NCR1: variants seen among roughly 807,000 people sequenced by gnomAD.
NCR1 encodes natural cytotoxicity triggering receptor 1.
NCR1 carries 30 observed loss-of-function variants against 32.5 expected under a neutral mutation model. That is an observed-to-expected ratio of 0.92 (90% confidence interval 0.69 to 1.25). The LOEUF (loss-of-function observed/expected upper bound fraction) is 1.25, where lower values mean the gene tolerates loss of function less well. NCR1 is among the 50% of genes most tolerant of loss of function. The pLI, the probability that NCR1 is intolerant of heterozygous loss-of-function variation, is 0.00. For missense variants in NCR1, 369 were observed against 380.7 expected (o/e 0.97, Z 0.26); for synonymous variants, 169 against 143.4 (o/e 1.18, Z -1.28).
At chr19:54,910,190 A>C (rs1157460893) in intron 5 of NCR1, 125 bp downstream of exon 5, 53 of 907,294 alleles carry the variant, frequency 5.8e-5, no homozygotes, top group Non-Finnish European at 8.9e-5. Context: ...TAATCCCAGC[A>C]CTTTGGGAGG....
At chr19:54,898,551 T>C in the NCR1 span, among the ~76,000 whole-genome samples, 1 of 152,162 alleles carries the variant, frequency 6.6e-6, no homozygotes, top group Non-Finnish European at 1.5e-5. Flanking sequence ...AATTAAGTCT[T>C]GTTGTGGGGT....
upstream of NCR1, chr19:54,906,106 C>G (rs988161448): frequency 7.0e-6 from 11 of 1,569,068 alleles, no homozygotes; most frequent in African/African-American, 1.5e-4. Flanking sequence ...TGGTGCTCAC[C>G]CACCACTTCC....
chr19:54,902,331 ACT>A (rs2067314946), upstream of NCR1, among the ~76,000 whole-genome samples: 1 of 151,532 alleles, frequency 6.6e-6, no homozygotes. Flanking sequence ...ACAGGGTAAC[ACT>A]CTGTCACCCA....
chr19:54,936,399 C>T, the NCR1 span: 23 of 1,613,956 alleles, frequency 1.4e-5, no homozygotes, highest in Admixed American at 3.3e-5. Context: ...ACAGAAGTCC[C>T]GGTACGCGGT....
the NCR1 span, among the ~76,000 whole-genome samples, chr19:54,935,035 G>A: frequency 3.3e-5 from 5 of 152,072 alleles, no homozygotes; most frequent in Non-Finnish European, 7.4e-5. Context: ...AAGACATTAT[G>A]TCTTTGGTTT....
intron 5 of NCR1, among the ~76,000 whole-genome samples, chr19:54,911,489 T>C (rs12461420): frequency 0.76 from 115,405 of 152,078 alleles, 44,887 homozygotes; most frequent in Non-Finnish European, 0.86. Context: ...GGGTGGCTCC[T>C]GCATGTAATC....
intron 5 of NCR1, among the ~76,000 whole-genome samples, chr19:54,910,866 G>A (rs587650127): frequency 1.2e-4 from 19 of 152,318 alleles, no homozygotes; most frequent in Middle Eastern, 3.4e-3. Flanking sequence ...GAGCAAATGC[G>A]TTCAGACTTG....
the NCR1 span, chr19:54,930,485 A>G: frequency 6.3e-7 from 1 of 1,580,696 alleles, no homozygotes; most frequent in Non-Finnish European, 8.7e-7. Context: ...AAGAAGAAAA[A>G]GAAAATCGCC....
chr19:54,912,828 C>T lies in NCR1; in HGVS notation c.872C>T (p.Ser291Phe). 1 of 1,613,452 alleles carries T rather than the reference C, an allele frequency of 6.2e-7. No homozygotes were observed. ...KRTRERASRA[S>F]TWEGRRRLNT... ...ACTAGAGAGCGAGCCAGCAGAGCTT[C>T]CACTTGGGAAGGCAGGAGAAGGCTG... is the stretch of plus-strand genomic sequence containing the variant. Residue 291 changes from serine (S) to phenylalanine (F), a missense_variant, in exon 7 of 7, where the codon TCC becomes TTC. By Grantham distance (155) the Ser-to-Phe change is radical. Coordinates refer to ENST00000291890, the MANE Select transcript of NCR1 (RefSeq NM_004829.7).
chr19:54,922,019 C>T, the NCR1 span, among the ~76,000 whole-genome samples: 1 of 151,958 alleles, frequency 6.6e-6, no homozygotes. Flanking sequence ...GCCTCAGCCT[C>T]CCGAGTAGCT....
chr19:54,934,430 C>T, the NCR1 span: 1 of 1,572,358 alleles, frequency 6.4e-7, no homozygotes, highest in Non-Finnish European at 8.8e-7. This position sits in a 1 kb window ranked among gnomAD's most constrained non-coding sequence, Gnocchi z 6.7. Flanking sequence ...AGGTGTTACC[C>T]TTTCTCTTCT....
chr19:54,910,304 G>A (rs1335341722), intron 5 of NCR1, among the ~76,000 whole-genome samples: 1 of 152,062 alleles, frequency 6.6e-6, no homozygotes, highest in Admixed American at 6.6e-5. Flanking sequence ...GGGCATCATG[G>A]CTCACACCTG....
the NCR1 span, among the ~76,000 whole-genome samples, chr19:54,924,906 C>T: frequency 9.2e-3 from 1,402 of 152,270 alleles, 44 homozygotes; most frequent in Admixed American, 0.028. Context: ...CACTGTACTG[C>T]AGCCCGGGTG....
downstream of NCR1, among the ~76,000 whole-genome samples, chr19:54,920,125 T>G (rs2068219307): frequency 1.3e-5 from 2 of 152,210 alleles, no homozygotes; most frequent in Non-Finnish European, 2.9e-5. Context: ...TCGTGTCCTC[T>G]GTCTCTTGCC....
the NCR1 span, among the ~76,000 whole-genome samples, chr19:54,929,253 C>G: frequency 6.6e-6 from 1 of 151,982 alleles, no homozygotes; most frequent in African/African-American, 2.4e-5. Context: ...CCTGTAATCC[C>G]AACTACTCAG....
At chr19:54,901,022 C>T in the NCR1 span, among the ~76,000 whole-genome samples, 19 of 150,336 alleles carry the variant, frequency 1.3e-4, no homozygotes, top group Admixed American at 1.0e-3. Flanking sequence ...CGGTGGCTCA[C>T]GCCTGTAATC....
the NCR1 span, chr19:54,930,385 C>T: frequency 2.8e-5 from 21 of 745,342 alleles, no homozygotes; most frequent in Middle Eastern, 3.5e-4. Flanking sequence ...CCGATCAAGC[C>T]TGGAAGACCG....
At chr19:54,909,987 C>T in intron 4 of NCR1, 31 bp from the exon 5 acceptor site, 1 of 1,590,688 alleles carries the variant, frequency 6.3e-7, no homozygotes, top group Non-Finnish European at 8.6e-7. Context: ...ACCAAAAACC[C>T]TTACTTTTTT....
the NCR1 span, chr19:54,927,856 C>A: frequency 7.7e-7 from 1 of 1,294,468 alleles, no homozygotes. Flanking sequence ...CTTCGGGAGG[C>A]CAAGGCGGGT....
Sources: gnomAD v4.1 joint callset for allele counts (sites outside exome capture counted in the v4.1 genomes callset) on GRCh38, gnomAD v4.1.1 for gene constraint, Gnocchi (gnomAD v3.1) non-coding constraint, MANE v1.5 for transcripts, NCBI Gene and HGNC (gene_info 2026-07-23, HGNC 2026-07-21) for gene names.